Variants in TECPR2 observed in about 807,000 individuals in gnomAD.
TECPR2 encodes the protein tectonin beta-propeller repeat-containing protein 2.
A neutral mutation model predicts 138.1 loss-of-function variants in TECPR2; 65 were observed. The observed-to-expected ratio is 0.47, with a 90% confidence interval of 0.39 to 0.58. The LOEUF (loss-of-function observed/expected upper bound fraction) is 0.58. Among genes scored for constraint, TECPR2 ranks in the 20% least tolerant of loss-of-function variants. TECPR2 has a pLI of 0.00. For synonymous variants in TECPR2, 746 were observed against 749.8 expected, an observed-to-expected ratio of 0.99 and a Z score of 0.08; for missense variants, 1,553 against 1,824.5, an observed-to-expected ratio of 0.85 and a Z score of 2.71.
At chr14:102,489,697 CTG>C in intron 17 of TECPR2, among the ~76,000 whole-genome samples, 1 of 103,538 alleles carries the variant, frequency 9.7e-6, no homozygotes, top group South Asian at 3.5e-4. Flanking sequence ...AAGAGCAAAA[CTG>C]TGTCAAAAAA....
chr14:102,416,067 C>G (rs905481878), intron 5 of TECPR2, among the ~76,000 whole-genome samples: 8 of 152,200 alleles, frequency 5.3e-5, no homozygotes, highest in Non-Finnish European at 8.8e-5. Flanking sequence ...AAAAGACGCT[C>G]TCAAACCTCC....
intron 1 of TECPR2, among the ~76,000 whole-genome samples, chr14:102,368,770 A>G (rs1309137415): frequency 6.6e-6 from 1 of 152,126 alleles, no homozygotes; most frequent in Admixed American, 6.5e-5. Context: ...GTGGAAGACC[A>G]TGGCAGCAGT....
intron 17 of TECPR2, among the ~76,000 whole-genome samples, chr14:102,475,573 C>G (rs1285141311): frequency 2.0e-5 from 3 of 152,108 alleles, no homozygotes; most frequent in Non-Finnish European, 4.4e-5. Context: ...AGCTCTGGTC[C>G]TACCTACTGG....
At position 102,452,428 on chromosome 14, in the gene TECPR2, C is replaced by T. The variant is rs1595133753; in HGVS notation, c.3441C>T (p.Asp1147=). The T allele has an allele frequency of 2.5e-6, 4 of 1,612,756 alleles. No homozygotes were observed. The African/African-American group carries it at 4.0e-5, about 16-fold the overall frequency. The stretch of plus-strand genomic sequence containing the variant: ...TGTGGCTGTGCCAGAGCAGCAAGGA[C>T]CTGTGCAGCGTCAGCGCCCAGAGCG... ...SFLWLCQSSK[D]LCSVSAQSAQ... Residue 1147 remains aspartate, a synonymous_variant, in exon 16 of 20, where the codon GAC becomes GAT. Transcript: ENST00000359520.
intron 2 of TECPR2, among the ~76,000 whole-genome samples, chr14:102,403,431 A>G (rs1406308116): frequency 6.6e-6 from 1 of 152,236 alleles, no homozygotes; most frequent in African/African-American, 2.4e-5. Context: ...ACTTAATGGT[A>G]AAAAACGGAA....
intron 1 of TECPR2, among the ~76,000 whole-genome samples, chr14:102,374,071 C>CAAAA: frequency 1.8e-5 from 1 of 56,066 alleles, no homozygotes; most frequent in African/African-American, 5.8e-5. Context: ...GATTCTGTCT[C>CAAAA]AAAAAAAAAA....
At chr14:102,388,852 T>C (rs1888091107) in intron 2 of TECPR2, among the ~76,000 whole-genome samples, 1 of 151,562 alleles carries the variant, frequency 6.6e-6, no homozygotes, top group Non-Finnish European at 1.5e-5. Flanking sequence ...TCCCAGCTAC[T>C]CGGGAGGCTG....
At chr14:102,478,772 A>G (rs968559806) in intron 17 of TECPR2, among the ~76,000 whole-genome samples, 2 of 151,768 alleles carry the variant, frequency 1.3e-5, no homozygotes, top group African/African-American at 2.4e-5. Context: ...TCCCAGCACT[A>G]TGGGAGGCCG....
At chr14:102,437,750 C>G in intron 9 of TECPR2, among the ~76,000 whole-genome samples, 1 of 152,120 alleles carries the variant, frequency 6.6e-6, no homozygotes, top group South Asian at 2.1e-4. Flanking sequence ...ATGCTCTAAG[C>G]GTTACATTTG....
At chr14:102,464,930 T>A (rs1221137626) in intron 16 of TECPR2, among the ~76,000 whole-genome samples, 1 of 152,192 alleles carries the variant, frequency 6.6e-6, no homozygotes, top group Non-Finnish European at 1.5e-5. Flanking sequence ...CCATTATTAC[T>A]CTCTTGAGTT....
intron 4 of TECPR2, among the ~76,000 whole-genome samples, chr14:102,410,893 A>T (rs968707314): frequency 1.3e-5 from 2 of 152,296 alleles, no homozygotes; most frequent in Non-Finnish European, 2.9e-5. Flanking sequence ...GTAAATAAAT[A>T]ATCTTTGCTG....
chr14:102,449,479 AAGCGC>A lies in TECPR2; in HGVS notation c.3076-148_3076-144del. On this transcript the variant is annotated intron_variant, in intron 13 of 19. Transcript: ENST00000359520. ...TGCCACATTTTTTTGGTCCTTTCAC[AAGCGC>A]ACACGTGCACATTTGTGTTTGGATG... 3.9e-6 allele frequency: 5 copies of A among 1,296,334 alleles called. No individual in the cohort carries two copies. The South Asian group carries it at 5.8e-5, about 15-fold the overall frequency. 80.3% of individuals were successfully genotyped at this position (1,296,334 alleles called of 1,614,324 possible).
rs181302736 is a variant in TECPR2, at chr14:102,382,527, A to T, written c.219+5587A>T. On this transcript the variant is annotated intron_variant, in intron 2 of 19. Transcript: ENST00000359520. ...AAGTAGTAGACAGAAAACCAACAGG[A>T]TGTAGAAGAACTGAACAACACCATC... Among the ~76,000 whole-genome samples the T allele has an allele frequency of 2.2e-3, 332 of 152,336 alleles. 3 individuals carry two copies. The highest frequency in any genetic ancestry group is 7.6e-3 in the African/African-American group (315 of 41,580).
At chr14:102,413,777 T>C (rs1567330523) in intron 4 of TECPR2, among the ~76,000 whole-genome samples, 1 of 152,026 alleles carries the variant, frequency 6.6e-6, no homozygotes, top group Admixed American at 6.6e-5. Context: ...GAATTTTATT[T>C]TGTGTTTATA....
At position 102,437,925 on chromosome 14, in the gene TECPR2, C is replaced by T. The variant is rs1407442261; in HGVS notation, c.2395-97C>T. 16 of 1,393,818 alleles carry T rather than the reference C, an allele frequency of 1.1e-5. No homozygotes were observed. In the South Asian group the frequency reaches 1.9e-4, roughly 17 times the overall value. The allele number at this position is 1,393,818 out of a possible 1,614,324, so 86.3% of individuals were successfully genotyped here. ...GTCTTGCTGACCCGTTTTACCGTCT[C>T]GTGTTAATGATATCCTCTCACCTTT... On this transcript the variant is annotated intron_variant, in intron 9 of 19. Transcript: ENST00000359520.
chr14:102,425,506 T>C (rs945931792), intron 6 of TECPR2, among the ~76,000 whole-genome samples: 10 of 152,220 alleles, frequency 6.6e-5, no homozygotes, highest in African/African-American at 2.4e-4. Context: ...AGGTCCAATT[T>C]TCTGCCGAGA....
At chr14:102,444,376 A>G (rs1292481681) in intron 12 of TECPR2, among the ~76,000 whole-genome samples, 1 of 151,862 alleles carries the variant, frequency 6.6e-6, no homozygotes, top group Non-Finnish European at 1.5e-5. Context: ...TATTTTTTGT[A>G]GAGATGAGTT....
At chr14:102,365,630 A>C (rs1409552807) in intron 1 of TECPR2, among the ~76,000 whole-genome samples, 1 of 152,238 alleles carries the variant, frequency 6.6e-6, no homozygotes, top group East Asian at 1.9e-4. Context: ...AAAATACCAC[A>C]TATTATATGA....
chr14:102,483,977 A>T lies in TECPR2; in HGVS notation c.3790-13002A>T, dbSNP rs10130453. Reference sequence around the variant, plus strand: ...ATGCCTGGCTGATTCTTATATTTTCAGTAGAGACAAGGTTTCACCATGTTT... The same window carrying T: ...ATGCCTGGCTGATTCTTATATTTTCTGTAGAGACAAGGTTTCACCATGTTT... On this transcript the variant is annotated intron_variant, in intron 17 of 19. Transcript: ENST00000359520. 2.5e-5 allele frequency among the ~76,000 whole-genome samples: 2 copies of T among 78,468 alleles called. 1 individual carries two copies. Among genetic ancestry groups the T allele is most frequent in the African/African-American group, 1.1e-4 (2 of 17,426 alleles). 51.5% of individuals were successfully genotyped at this position (78,468 alleles called of 152,430 possible). A position where few individuals can be genotyped will look rare whatever the true frequency, so the allele number is the denominator to read the frequency against.
Sources: allele counts gnomAD v4.1 joint callset (sites outside exome capture counted in the v4.1 genomes callset), GRCh38; gene constraint gnomAD v4.1.1; transcripts MANE v1.5; gene names NCBI Gene and HGNC (gene_info 2026-07-23, HGNC 2026-07-21).